Variants in FAM193A observed in about 807,000 individuals in gnomAD.
FAM193A encodes family with sequence similarity 193 member A.
A neutral mutation model predicts 126.5 loss-of-function variants in FAM193A; 22 were observed. The ratio of observed to expected loss-of-function variants is 0.17; its 90% confidence interval spans 0.12 to 0.25. The LOEUF (loss-of-function observed/expected upper bound fraction) is 0.25. Among genes scored for constraint, FAM193A ranks in the 10% least tolerant of loss-of-function variants. FAM193A has a pLI of 1.00. For missense variants in FAM193A, 1,675 were observed against 1,672.8 expected (o/e 1.00, Z -0.02); for synonymous variants, 761 against 646.8 (o/e 1.18, Z -2.68).
At chr4:2,704,812 T>G (rs1325844043) in intron 19 of FAM193A, among the ~76,000 whole-genome samples, 1 of 152,228 alleles carries the variant, frequency 6.6e-6, no homozygotes, top group Non-Finnish European at 1.5e-5. Context: ...GAGGTCAATA[T>G]ATTATTAAGG....
chr4:2,659,710 G>T (rs17164078), intron 9 of FAM193A, 40 bp downstream of exon 9: 1 of 1,608,002 alleles, frequency 6.2e-7, no homozygotes, highest in African/African-American at 1.3e-5. Context: ...TGGCCCATTG[G>T]ACCTTCACTG....
intron 13 of FAM193A, among the ~76,000 whole-genome samples, chr4:2,687,692 A>C (rs773824100): frequency 2.0e-5 from 3 of 151,884 alleles, no homozygotes; most frequent in Admixed American, 6.6e-5. Context: ...TGACTAACCT[A>C]CTCGTCCTCC....
chr4:2,690,193 T>C (rs1716206026), intron 14 of FAM193A, among the ~76,000 whole-genome samples: 4 of 152,200 alleles, frequency 2.6e-5, no homozygotes, highest in Admixed American at 1.3e-4. Context: ...CCTCAGCCAC[T>C]GAGGCCCAGC....
chr4:2,613,026 A>G (rs1462387368), intron 2 of FAM193A, among the ~76,000 whole-genome samples: 1 of 152,230 alleles, frequency 6.6e-6, no homozygotes, highest in Non-Finnish European at 1.5e-5. Flanking sequence ...AAACCTTAAC[A>G]ATATTGAGTC....
chr4:2,700,213 C>T lies in FAM193A; in HGVS notation c.4041C>T (p.Ser1347=), dbSNP rs1465697920. The change falls in exon 19 of 21, where the codon AGC becomes AGT. Residue 1347 remains serine (S), a synonymous_variant. Transcript: ENST00000637812. ...KQKLRQTSKA[S]SEPARRPTEP... The stretch of plus-strand genomic sequence containing the variant: ...AGCTGAGGCAGACCAGCAAGGCCAG[C>T]AGCGAGCCAGCGAGGAGGCCCACAG... 2.5e-6 allele frequency: 4 copies of T among 1,613,916 alleles called. No homozygotes were observed. The highest frequency in any genetic ancestry group is 3.4e-6 in the Non-Finnish European group (4 of 1,180,004).
intron 4 of FAM193A, among the ~76,000 whole-genome samples, chr4:2,630,678 G>A (rs796493076): frequency 7.9e-5 from 12 of 152,342 alleles, no homozygotes; most frequent in African/African-American, 2.9e-4. Flanking sequence ...AACTGAATTA[G>A]TGCACGTGCA....
At chr4:2,679,100 G>T (rs936253852) in intron 13 of FAM193A, among the ~76,000 whole-genome samples, 1 of 152,098 alleles carries the variant, frequency 6.6e-6, no homozygotes, top group Non-Finnish European at 1.5e-5. Flanking sequence ...TCTATTCCTA[G>T]TTTGTTGGGT....
At chr4:2,660,193 C>A in intron 10 of FAM193A, 139 bp downstream of exon 10, 1 of 857,484 alleles carries the variant, frequency 1.2e-6, no homozygotes, top group Non-Finnish European at 1.8e-6. Flanking sequence ...TTTAATGCAG[C>A]TTTTAAAACA....
At chr4:2,627,169 T>TTC (rs1449433654) in intron 4 of FAM193A, among the ~76,000 whole-genome samples, 1 of 150,686 alleles carries the variant, frequency 6.6e-6, no homozygotes, top group Non-Finnish European at 1.5e-5. Flanking sequence ...CTTTTTTTTT[T>TTC]TTTTTTTTTG....
chr4:2,609,690 G>T (rs1560478991), intron 2 of FAM193A, among the ~76,000 whole-genome samples: 1 of 152,198 alleles, frequency 6.6e-6, no homozygotes, highest in East Asian at 1.9e-4. Context: ...GGCACTTTGG[G>T]AGGCCGAGGC....
At chr4:2,633,721 G>A (rs189757514) in intron 5 of FAM193A, among the ~76,000 whole-genome samples, 29 of 152,036 alleles carry the variant, frequency 1.9e-4, no homozygotes, top group Admixed American at 8.5e-4. Context: ...ATGAAACCCC[G>A]TCTCTACTAA....
At chr4:2,630,508 A>G (rs1743454919) in intron 4 of FAM193A, among the ~76,000 whole-genome samples, 1 of 152,150 alleles carries the variant, frequency 6.6e-6, no homozygotes, top group Non-Finnish European at 1.5e-5. Flanking sequence ...TAAGCCTTTA[A>G]AAGAGTTGTC....
intron 1 of FAM193A, among the ~76,000 whole-genome samples, chr4:2,545,800 G>A (rs1048017193): frequency 1.3e-5 from 2 of 152,134 alleles, no homozygotes; most frequent in African/African-American, 4.8e-5. Flanking sequence ...TCCCACCTCA[G>A]CCTCCCAGGT....
At chr4:2,536,330 A>G (rs1000584240), upstream of FAM193A, among the ~76,000 whole-genome samples, 1 of 151,310 alleles carries the variant, frequency 6.6e-6, no homozygotes, top group Non-Finnish European at 1.5e-5. Flanking sequence ...ACCTGCGGCG[A>G]CGAGCGAGGC....
chr4:2,662,027 CA>C (rs1175534140), intron 10 of FAM193A, among the ~76,000 whole-genome samples: 11 of 151,822 alleles, frequency 7.2e-5, no homozygotes, highest in African/African-American at 2.7e-4. Flanking sequence ...ACTAAAAATA[CA>C]AAAAATCAGC....
intron 2 of FAM193A, chr4:2,608,084 C>T: frequency 1.2e-6 from 2 of 1,609,802 alleles, no homozygotes; most frequent in South Asian, 2.2e-5. Context: ...CGGCCTGATT[C>T]ACTCCCAGAT....
At chr4:2,662,531 C>T (rs996089847) in intron 10 of FAM193A, among the ~76,000 whole-genome samples, 6 of 152,228 alleles carry the variant, frequency 3.9e-5, no homozygotes, top group African/African-American at 1.4e-4. Flanking sequence ...CAGCGCTCTT[C>T]AGGTCAAATG....
chr4:2,607,752 C>T, intron 2 of FAM193A: 1 of 461,682 alleles, frequency 2.2e-6, no homozygotes, highest in Non-Finnish European at 3.8e-6. Context: ...TATGCTGGAC[C>T]ATCTGAATGG....
Position 2,572,882 on chromosome 4 carries a change from G to A in FAM193A, c.256-23202G>A, listed in dbSNP as rs1577024199. Reference sequence around the variant, plus strand: ...GGCTTTTCTGTAATCCAGGTGAGAGGCGACAGTGGCGATGGGGGTGAGAGA... The same window carrying A: ...GGCTTTTCTGTAATCCAGGTGAGAGACGACAGTGGCGATGGGGGTGAGAGA... On this transcript the variant is annotated intron_variant, in intron 1 of 20. Coordinates refer to ENST00000637812, the MANE Select transcript of FAM193A (RefSeq NM_001366318.2). Among the ~76,000 whole-genome samples the A allele has an allele frequency of 2.0e-5, 3 of 151,324 alleles. No homozygotes were observed. In the South Asian group the frequency reaches 6.2e-4, roughly 32 times the overall value.
Sources: allele counts gnomAD v4.1 joint callset (sites outside exome capture counted in the v4.1 genomes callset), GRCh38; gene constraint gnomAD v4.1.1; transcripts MANE v1.5; gene names NCBI Gene and HGNC (gene_info 2026-07-23, HGNC 2026-07-21).